Variants in PIK3R2 observed in about 807,000 individuals in gnomAD.
PIK3R2 encodes phosphoinositide-3-kinase regulatory subunit 2.
PIK3R2 carries 40 observed loss-of-function variants against 78.5 expected under a neutral mutation model. The observed-to-expected ratio is 0.51, with a 90% confidence interval of 0.40 to 0.66. The LOEUF is 0.66. PIK3R2 is among the 30% of genes least tolerant of loss of function. The probability of loss-of-function intolerance (pLI) is 0.00; values close to 1 mark genes in which losing one functional copy is unlikely to be tolerated. For synonymous variants in PIK3R2, 473 were observed against 457.7 expected, an observed-to-expected ratio of 1.03 and a Z score of -0.43; for missense variants, 880 against 1,026.6, an observed-to-expected ratio of 0.86 and a Z score of 1.95.
intron 1 of PIK3R2, among the ~76,000 whole-genome samples, chr19:18,154,147 G>C (rs962611256): frequency 6.6e-6 from 1 of 152,100 alleles, no homozygotes; most frequent in Admixed American, 6.5e-5. Flanking sequence ...CTTCCTATCC[G>C]CTGTGATGAT....
At chr19:18,160,813 C>T in intron 3 of PIK3R2, 106 bp from the exon 4 acceptor site, 2 of 1,268,006 alleles carry the variant, frequency 1.6e-6, no homozygotes, top group African/African-American at 1.5e-5. Context: ...ATGCCCTTAT[C>T]TCTGGGCAGC....
intron 3 of PIK3R2, 83 bp from the exon 4 acceptor site, chr19:18,160,836 C>T: frequency 6.7e-7 from 1 of 1,487,860 alleles, no homozygotes; most frequent in Non-Finnish European, 9.2e-7. Flanking sequence ...AGGGAGACTG[C>T]AGGGGGGTTG....
chr19:18,155,924 C>G lies in PIK3R2; in HGVS notation c.45C>G (p.Phe15Leu). The G allele has an allele frequency of 6.4e-7, 1 of 1,567,634 alleles. No homozygotes were observed. Among genetic ancestry groups the G allele is most frequent in the Non-Finnish European group, 8.6e-7 (1 of 1,156,546 alleles). ...EGFQYRALYP[F>L]RRERPEDLEL... ...TCCAGTACCGCGCTCTGTACCCGTT[C>G]CGCCGGGAGCGGCCGGAGGACCTGG... Residue 15 changes from phenylalanine (F) to leucine (L), a missense_variant, in exon 2 of 16, where the codon TTC becomes TTG. By Grantham distance (22) the Phe-to-Leu change is conservative. Around this residue, in one of 3 missense-constraint regions of PIK3R2, gnomAD observed 456 missense variants for 486.6 expected, o/e 0.94. Transcript: ENST00000222254.
chr19:18,156,149 A>T lies in PIK3R2; in HGVS notation c.270A>T (p.Pro90=). Reference sequence around the variant, plus strand: ...CCCTGGCCCGGCCCGGCCCTCGCCCACGGGGCCCCCGCCCACTGCCCGCCA... The same window carrying T: ...CCCTGGCCCGGCCCGGCCCTCGCCCTCGGGGCCCCCGCCCACTGCCCGCCA... The part of the protein sequence containing the change: ...PVALARPGPR[P]RGPRPLPARP... Residue 90 remains proline, a synonymous_variant, in exon 2 of 16, where the codon CCA becomes CCT. Coordinates refer to ENST00000222254, the MANE Select transcript of PIK3R2 (RefSeq NM_005027.4). The surrounding 1 kb of genome is among the most constrained non-coding windows in gnomAD (Gnocchi z 4.2). 2 of 1,468,872 alleles carry T rather than the reference A, an allele frequency of 1.4e-6. No homozygotes were observed. Among genetic ancestry groups the T allele is most frequent in the Non-Finnish European group, 1.8e-6 (2 of 1,114,156 alleles). 91.0% of individuals were successfully genotyped at this position (1,468,872 alleles called of 1,614,324 possible).
Sources: gnomAD v4.1 joint callset for allele counts (sites outside exome capture counted in the v4.1 genomes callset) on GRCh38, gnomAD v4.1.1 for gene constraint, gnomAD v4.1.1 regional missense constraint, Gnocchi (gnomAD v3.1) non-coding constraint, MANE v1.5 for transcripts, NCBI Gene and HGNC (gene_info 2026-07-23, HGNC 2026-07-21) for gene names.